Variants in MYO5B observed in about 807,000 individuals in gnomAD.
The protein encoded by MYO5B is unconventional myosin-Vb.
In MYO5B, 143 loss-of-function variants were observed where a neutral mutation model predicts 229.3. The observed-to-expected ratio is 0.62, with a 90% CI of 0.54 to 0.72. The LOEUF is 0.72. Ranked by LOEUF, MYO5B falls within the 30% of genes least tolerant of loss-of-function variation. MYO5B has a pLI of 0.00. For synonymous variants in MYO5B, 918 were observed against 885.2 expected, an observed-to-expected ratio of 1.04 and a Z score of -0.66; for missense variants, 2,321 against 2,331.0, an observed-to-expected ratio of 1.00 and a Z score of 0.09.
chr18:49,955,500 T>C (rs2025482929), intron 12 of MYO5B, among the ~76,000 whole-genome samples: 1 of 152,190 alleles, frequency 6.6e-6, no homozygotes, highest in Non-Finnish European at 1.5e-5. Context: ...CAGGAAGTGT[T>C]GATGGTGACC....
chr18:49,909,089 G>T (rs945243703), intron 18 of MYO5B, among the ~76,000 whole-genome samples: 1 of 152,174 alleles, frequency 6.6e-6, no homozygotes, highest in African/African-American at 2.4e-5. Context: ...GTTCTAAAAC[G>T]TACTTAGAAC....
At chr18:50,116,096 CA>C (rs2031957583) in intron 1 of MYO5B, among the ~76,000 whole-genome samples, 1 of 152,132 alleles carries the variant, frequency 6.6e-6, no homozygotes, top group Admixed American at 6.5e-5. Context: ...GATCACTAAA[CA>C]AAATTAGGAA....
At chr18:50,078,291 T>C (rs1031949033) in intron 1 of MYO5B, among the ~76,000 whole-genome samples, 1 of 152,188 alleles carries the variant, frequency 6.6e-6, no homozygotes, top group African/African-American at 2.4e-5. Context: ...TGCCTTTCGA[T>C]CATGCTTGAT....
At chr18:50,000,860 C>T (rs190774984) in intron 5 of MYO5B, among the ~76,000 whole-genome samples, 4 of 152,298 alleles carry the variant, frequency 2.6e-5, no homozygotes, top group East Asian at 3.9e-4. Context: ...TAGGCTTTCC[C>T]GTCCCCCATG....
Position 49,822,878 on chromosome 18 carries a change from AG to A in MYO5B, c.*3592del, listed in dbSNP as rs2023787097. The A allele has an allele frequency of 1.3e-5, 2 of 152,368 alleles. No individual in the cohort carries two copies. The highest frequency in any genetic ancestry group is 4.1e-4 in the South Asian group (2 of 4,828). 9.4% of individuals were successfully genotyped at this position (152,368 alleles called of 1,614,324 possible). A position where few individuals can be genotyped will look rare whatever the true frequency, so the allele number is the denominator to read the frequency against. The stretch of plus-strand genomic sequence containing the variant: ...GCTAAATATTACAGTGACTATTACA[AG>A]CATTTTTCTATAAACAAAGGTGTAG... On this transcript the variant is annotated 3_prime_UTR_variant, in exon 40 of 40. Coordinates refer to ENST00000285039, the MANE Select transcript of MYO5B (RefSeq NM_001080467.3).
At chr18:49,849,464 T>C in intron 32 of MYO5B, 103 bp downstream of exon 32, 1 of 872,874 alleles carries the variant, frequency 1.1e-6, no homozygotes. Flanking sequence ...AAGAAATCAG[T>C]GATGTAGGAA....
chr18:49,964,707 G>A (rs908676890), intron 10 of MYO5B, among the ~76,000 whole-genome samples: 3 of 152,204 alleles, frequency 2.0e-5, no homozygotes, highest in African/African-American at 4.8e-5. Flanking sequence ...TGTACTTCGT[G>A]AATTGTCTGA....
intron 10 of MYO5B, among the ~76,000 whole-genome samples, chr18:49,972,052 T>G (rs2025697902): frequency 6.6e-6 from 1 of 152,230 alleles, no homozygotes; most frequent in East Asian, 1.9e-4. Flanking sequence ...ATGGAAGAGC[T>G]GTCAGATAGT....
intron 22 of MYO5B, among the ~76,000 whole-genome samples, chr18:49,882,537 T>C (rs561067201): frequency 6.2e-5 from 9 of 144,256 alleles, no homozygotes; most frequent in Middle Eastern, 7.9e-3. Flanking sequence ...CCGAAGCAGG[T>C]GAATCACTTG....
intron 1 of MYO5B, among the ~76,000 whole-genome samples, chr18:50,082,525 G>A (rs1027272120): frequency 6.6e-6 from 1 of 152,204 alleles, no homozygotes; most frequent in African/African-American, 2.4e-5. Context: ...TCTGCTTAAA[G>A]CAAAGGCTAT....
At chr18:49,915,428 T>C (rs2025002933) in intron 17 of MYO5B, among the ~76,000 whole-genome samples, 1 of 152,044 alleles carries the variant, frequency 6.6e-6, no homozygotes, top group African/African-American at 2.4e-5. Flanking sequence ...AGCTCATGAG[T>C]CTTTACAAGG....
At chr18:49,886,350 G>A (rs2024641868) in intron 22 of MYO5B, among the ~76,000 whole-genome samples, 1 of 152,122 alleles carries the variant, frequency 6.6e-6, no homozygotes, top group Non-Finnish European at 1.5e-5. Context: ...CTGTAGATGG[G>A]CTTCCATGAG....
chr18:50,041,867 A>C (rs1315615878), intron 2 of MYO5B, among the ~76,000 whole-genome samples: 1 of 152,222 alleles, frequency 6.6e-6, no homozygotes, highest in Non-Finnish European at 1.5e-5. Flanking sequence ...GCGATTCTTC[A>C]TCATACAATG....
At chr18:49,853,694 C>T in intron 30 of MYO5B, 47 bp from the exon 31 acceptor site, 1 of 1,574,334 alleles carries the variant, frequency 6.4e-7, no homozygotes, top group South Asian at 1.1e-5. Flanking sequence ...GGCCAGGGCC[C>T]CCATCTGAGG....
In MYO5B at chr18:49,956,445, A is replaced by T. The variant is rs535701948; in HGVS notation, c.1546-2010T>A. ...CATTAAATAGCAGAGCTGGTGTTCC[A>T]AACAGGACAAGTTAATTCTTCCTGC... On this transcript the variant is annotated intron_variant, in intron 12 of 39. Transcript: ENST00000285039. Among the ~76,000 whole-genome samples, 3 of 152,360 alleles carry T rather than the reference A, an allele frequency of 2.0e-5. No homozygotes were observed. The East Asian group carries it at 5.8e-4, about 29-fold the overall frequency.
At chr18:49,889,058 T>A (rs2024679093) in intron 22 of MYO5B, among the ~76,000 whole-genome samples, 1 of 152,216 alleles carries the variant, frequency 6.6e-6, no homozygotes, top group African/African-American at 2.4e-5. Flanking sequence ...TGAAAGCTTA[T>A]CAAATGAATA....
chr18:49,911,721 G>C (rs7236711), intron 18 of MYO5B, among the ~76,000 whole-genome samples: 2,875 of 152,292 alleles, frequency 0.019, 89 homozygotes, highest in African/African-American at 0.066. Context: ...TGAACTGGCA[G>C]AGCAGAATAT....
At chr18:50,096,644 T>C (rs2031556857) in intron 1 of MYO5B, among the ~76,000 whole-genome samples, 1 of 152,232 alleles carries the variant, frequency 6.6e-6, no homozygotes, top group Non-Finnish European at 1.5e-5. Flanking sequence ...ACTTCTACGA[T>C]GTACCCACTT....
chr18:50,136,024 T>A (rs1213798761), intron 1 of MYO5B, among the ~76,000 whole-genome samples: 1 of 152,242 alleles, frequency 6.6e-6, no homozygotes, highest in Non-Finnish European at 1.5e-5. Context: ...TTGCCCATGG[T>A]CACACAGCCT....
Sources: gnomAD v4.1 joint callset for allele counts (sites outside exome capture counted in the v4.1 genomes callset) on GRCh38, gnomAD v4.1.1 for gene constraint, MANE v1.5 for transcripts, NCBI Gene and HGNC (gene_info 2026-07-23, HGNC 2026-07-21) for gene names.